CTBP2: variants seen among roughly 807,000 people sequenced by gnomAD.
The protein encoded by CTBP2 is C-terminal-binding protein 2.
In CTBP2, 30 loss-of-function variants were observed where a neutral mutation model predicts 80.3. The ratio of observed to expected loss-of-function variants is 0.37; its 90% CI spans 0.28 to 0.51. The LOEUF is 0.51. CTBP2 is among the 20% of genes least tolerant of loss of function. The pLI is 0.93. For synonymous variants in CTBP2, 594 were observed against 587.4 expected (o/e 1.01, Z -0.16); for missense variants, 1,212 against 1,375.3 (o/e 0.88, Z 1.88).
chr10:125,036,085 CTG>C (rs1590229339), intron 3 of CTBP2, among the ~76,000 whole-genome samples: 1 of 152,366 alleles, frequency 6.6e-6, no homozygotes, highest in East Asian at 1.9e-4. Context: ...CAAAGACTGT[CTG>C]TGTCCTGCTC....
intron 1 of CTBP2, among the ~76,000 whole-genome samples, chr10:125,113,208 C>T (rs1852608172): frequency 6.6e-6 from 1 of 152,196 alleles, no homozygotes; most frequent in Non-Finnish European, 1.5e-5. Flanking sequence ...TCAGTAATCC[C>T]AAGCCTATAG....
intron 2 of CTBP2, among the ~76,000 whole-genome samples, chr10:125,109,798 TC>T (rs1852011262): frequency 6.6e-6 from 1 of 152,222 alleles, no homozygotes; most frequent in Non-Finnish European, 1.5e-5. Flanking sequence ...ACCAGCCCAA[TC>T]CACCTGTTCG....
chr10:125,068,124 C>G (rs1844926383), intron 2 of CTBP2, among the ~76,000 whole-genome samples: 1 of 152,192 alleles, frequency 6.6e-6, no homozygotes, highest in East Asian at 1.9e-4. Flanking sequence ...GCCAATTTCA[C>G]CATGCGGCCC....
intron 2 of CTBP2, among the ~76,000 whole-genome samples, chr10:125,074,252 G>C (rs1471848292): frequency 6.6e-6 from 1 of 152,154 alleles, no homozygotes; most frequent in Non-Finnish European, 1.5e-5. Context: ...ATAGCTCAGG[G>C]CAACAAGGAT....
At chr10:125,120,521 G>A (rs535949374) in intron 1 of CTBP2, among the ~76,000 whole-genome samples, 1 of 152,172 alleles carries the variant, frequency 6.6e-6, no homozygotes, top group South Asian at 2.1e-4. Flanking sequence ...TGAGTAGCTG[G>A]GATTATAGGC....
intron 1 of CTBP2, among the ~76,000 whole-genome samples, chr10:125,114,504 T>TA: frequency 6.6e-6 from 1 of 152,074 alleles, no homozygotes. Context: ...CTGCAGTACC[T>TA]AGACAGGACC....
At chr10:125,074,662 A>ATTGAAGTAAGTGTGACTGGGTGTACG (rs1349423687) in intron 2 of CTBP2, among the ~76,000 whole-genome samples, 1 of 152,210 alleles carries the variant, frequency 6.6e-6, no homozygotes, top group Non-Finnish European at 1.5e-5. Flanking sequence ...TCCTTTTCAC[A>ATTGAAGTAAGTGTGACTGGGTGTACG]TTGAAGTAAG....
intron 2 of CTBP2, among the ~76,000 whole-genome samples, chr10:125,086,613 TAAAAAAAAAAAAA>T (rs66522424): frequency 8.6e-6 from 1 of 116,434 alleles, no homozygotes; most frequent in Non-Finnish European, 1.7e-5. Context: ...AAATTTTATT[TAAAAAAAAAAAAA>T]AAAAAAAAAA....
chr10:125,098,724 CAGAGAGAGAG>C (rs1564914318), intron 2 of CTBP2, among the ~76,000 whole-genome samples: 1 of 75,696 alleles, frequency 1.3e-5, no homozygotes, highest in African/African-American at 6.4e-5. Flanking sequence ...GAGAGAGAGA[CAGAGAGAGAG>C]AGAGAGAGAG....
intron 1 of CTBP2, among the ~76,000 whole-genome samples, chr10:125,018,241 T>C (rs867707614): frequency 6.6e-6 from 1 of 152,282 alleles, no homozygotes. Flanking sequence ...TGCTCCACAA[T>C]AGGCCAGGTG....
At chr10:125,153,013 G>A (rs887053886) in intron 1 of CTBP2, among the ~76,000 whole-genome samples, 2 of 152,364 alleles carry the variant, frequency 1.3e-5, no homozygotes, top group East Asian at 1.9e-4. Flanking sequence ...TCGGGTGTTT[G>A]CAGAGCCTTG....
At chr10:125,023,433 G>A (rs1463837657) in intron 1 of CTBP2, among the ~76,000 whole-genome samples, 1 of 152,248 alleles carries the variant, frequency 6.6e-6, no homozygotes, top group African/African-American at 2.4e-5. Context: ...TGCATCTGGT[G>A]CAGGCAGGGC....
At chr10:125,086,801 G>T (rs1054030742) in intron 2 of CTBP2, among the ~76,000 whole-genome samples, 23 of 152,042 alleles carry the variant, frequency 1.5e-4, no homozygotes, top group Non-Finnish European at 2.8e-4. Context: ...ATGGAATTTT[G>T]TTATAGTAGC....
upstream of CTBP2, chr10:125,160,628 TCCCCA>T (rs1455517433): frequency 5.8e-4 from 12 of 20,798 alleles, no homozygotes; most frequent in African/African-American, 1.5e-3. Flanking sequence ...TCCCCTCCCC[TCCCCA>T]CCCTACCCCT....
In CTBP2 at chr10:125,026,075, G is replaced by C. The variant is rs779224053; in HGVS notation, c.1678+7C>G. The stretch of plus-strand genomic sequence containing the variant: ...CCCAGGCAGGGCAGGCGGGGAGGAT[G>C]TATTACTTGGTTCTGGTGCAAGCAT... On this transcript the variant is annotated splice_region_variant and intron_variant, in intron 1 of 8. Coordinates refer to ENST00000309035, the MANE Select transcript of CTBP2 (RefSeq NM_022802.3). 1.2e-5 allele frequency: 19 copies of C among 1,552,232 alleles called. No homozygotes were observed. The highest frequency in any genetic ancestry group is 1.5e-5 in the Non-Finnish European group (17 of 1,143,748).
At chr10:125,108,627 A>G (rs1196306599) in intron 2 of CTBP2, among the ~76,000 whole-genome samples, 1 of 150,530 alleles carries the variant, frequency 6.6e-6, no homozygotes, top group Non-Finnish European at 1.5e-5. Flanking sequence ...TCTGAGAGCA[A>G]ACACACGCCT....
intron 1 of CTBP2, among the ~76,000 whole-genome samples, chr10:125,024,688 G>A (rs115114718): frequency 0.01 from 1,555 of 152,264 alleles, 25 homozygotes; most frequent in African/African-American, 0.035. Flanking sequence ...TTGCAAGCCC[G>A]GCCATTATCA....
At chr10:125,036,350 T>A (rs1250769674) in intron 3 of CTBP2, among the ~76,000 whole-genome samples, 1 of 151,894 alleles carries the variant, frequency 6.6e-6, no homozygotes, top group Non-Finnish European at 1.5e-5. Flanking sequence ...GACCAGGGCT[T>A]GATGTTGGCA....
chr10:125,157,556 G>T (rs190786335), intron 1 of CTBP2, among the ~76,000 whole-genome samples: 1 of 151,908 alleles, frequency 6.6e-6, no homozygotes, highest in Admixed American at 6.5e-5. Flanking sequence ...TGTAACTGGG[G>T]TCCCCTACCC....
Sources: gnomAD v4.1 joint callset for allele counts (sites outside exome capture counted in the v4.1 genomes callset) on GRCh38, gnomAD v4.1.1 for gene constraint, MANE v1.5 for transcripts, NCBI Gene and HGNC (gene_info 2026-07-23, HGNC 2026-07-21) for gene names.